The following ZEB1 variants were observed in gnomAD, a reference collection of about 807,000 sequenced individuals.
The protein encoded by ZEB1 is zinc finger E-box binding homeobox 1, also known as zinc finger E-box-binding homeobox 1.
In ZEB1, 21 loss-of-function variants were observed where a neutral mutation model predicts 84.9. The observed-to-expected ratio is 0.25, with a 90% confidence interval of 0.18 to 0.36. The LOEUF is 0.36. Among genes scored for constraint, ZEB1 ranks in the 10% least tolerant of loss-of-function variants. The pLI is 1.00. For missense variants in ZEB1, 1,104 were observed against 1,330.2 expected, an observed-to-expected ratio of 0.83 and a Z score of 2.65; for synonymous variants, 420 against 471.1, an observed-to-expected ratio of 0.89 and a Z score of 1.41.
At position 31,529,309 on chromosome 10, in the gene ZEB1, CTA is replaced by C. The variant is rs573764915; in HGVS notation, c.*2046_*2047del. The C allele has an allele frequency of 3.9e-5, 6 of 152,314 alleles. No homozygotes were observed. The South Asian group carries it at 1.2e-3, about 32-fold the overall frequency. The allele number at this position is 152,314 out of a possible 1,614,324, so 9.4% of individuals were successfully genotyped here. On this transcript the variant is annotated 3_prime_UTR_variant, in exon 9 of 9. Transcript: ENST00000424869. ...CATCTTGAGCTGAATTTGGGTAACA[CTA>C]AATGTTTTAGACATTCTCCACTAAA... is the stretch of plus-strand genomic sequence containing the variant.
chr10:31,447,884 ATG>A (rs1564899778), intron 1 of ZEB1, among the ~76,000 whole-genome samples: 1 of 151,958 alleles, frequency 6.6e-6, no homozygotes, highest in Non-Finnish European at 1.5e-5. Context: ...TCTGACAATT[ATG>A]TGTCTTGGAG....
chr10:31,393,540 A>G (rs1590778494), intron 1 of ZEB1, among the ~76,000 whole-genome samples: 1 of 121,340 alleles, frequency 8.2e-6, no homozygotes, highest in Non-Finnish European at 1.5e-5. Flanking sequence ...GTTGAGGTAG[A>G]TAGATATTAA....
rs932835878 is a variant in ZEB1, at chr10:31,448,702, G to C, written c.59-12335G>C. Among the ~76,000 whole-genome samples the C allele has an allele frequency of 1.1e-4, 16 of 152,212 alleles. No individual in the cohort carries two copies. The South Asian group carries it at 1.2e-3, about 12-fold the overall frequency. The stretch of plus-strand genomic sequence containing the variant: ...AGGTGTCAGTGTGCCCCTGCTGGGG[G>C]GTGCCTCCCAGTTAGGCTGCTAAGG... On this transcript the variant is annotated intron_variant, in intron 1 of 8. Coordinates refer to ENST00000424869, the MANE Select transcript of ZEB1 (RefSeq NM_001174096.2).
intron 1 of ZEB1, among the ~76,000 whole-genome samples, chr10:31,330,011 A>G (rs1382009991): frequency 5.3e-5 from 8 of 152,112 alleles, no homozygotes; most frequent in Non-Finnish European, 8.8e-5. Context: ...AGTTTTCTTA[A>G]TGGTACCATT....
intron 1 of ZEB1, chr10:31,361,256 G>C: frequency 2.5e-6 from 4 of 1,578,380 alleles, no homozygotes; most frequent in Non-Finnish European, 3.5e-6. Context: ...GCAGTGGTGC[G>C]ATCTCGGCTC....
Position 31,527,648 on chromosome 10 carries a change from T to C in ZEB1, c.*384T>C, listed in dbSNP as rs1375303777. The C allele has an allele frequency of 5.2e-6, 1 of 190,648 alleles. No homozygotes were observed. Among genetic ancestry groups the C allele is most frequent in the African/African-American group, 2.4e-5 (1 of 42,386 alleles). The allele number at this position is 190,648 out of a possible 1,614,324, so 11.8% of individuals were successfully genotyped here. A position where few individuals can be genotyped will look rare whatever the true frequency, so the allele number is the denominator to read the frequency against. ...TTTATCTTATCAGTATTATCACTCT[T>C]ATGTTGGTTTATTCTTAAGCTGTAC... On this transcript the variant is annotated 3_prime_UTR_variant, in exon 9 of 9. Coordinates refer to ENST00000424869, the MANE Select transcript of ZEB1 (RefSeq NM_001174096.2).
At chr10:31,384,462 G>A (rs1282757838) in intron 1 of ZEB1, among the ~76,000 whole-genome samples, 1 of 152,202 alleles carries the variant, frequency 6.6e-6, no homozygotes, top group African/African-American at 2.4e-5. Flanking sequence ...TAACGCAGTT[G>A]CCTGGAGAGT....
intron 1 of ZEB1, among the ~76,000 whole-genome samples, chr10:31,353,758 CATT>C (rs1227237873): frequency 1.3e-5 from 2 of 152,158 alleles, no homozygotes; most frequent in Non-Finnish European, 2.9e-5. Context: ...GTTTTAGTCT[CATT>C]AGTCACCAGC....
Position 31,527,009 on chromosome 10 carries a change from A to AG in ZEB1, c.3124dup (p.Glu1042GlyfsTer5). The AG allele has an allele frequency of 6.2e-7, 1 of 1,603,420 alleles. No homozygotes were observed. Among genetic ancestry groups the AG allele is most frequent in the Non-Finnish European group, 8.5e-7 (1 of 1,173,982 alleles). ...AGGATGAAGACAGTGAAAAAGAGGAAGAGGAGGAGGATAAAGAGATGGAAG... is the reference window on the plus strand; with the variant it reads ...AGGATGAAGACAGTGAAAAAGAGGAAGGAGGAGGAGGATAAAGAGATGGAAG... On this transcript the variant is annotated frameshift_variant, in exon 9 of 9. Coordinates refer to ENST00000424869, the MANE Select transcript of ZEB1 (RefSeq NM_001174096.2). LOFTEE classifies it low-confidence loss of function (END_TRUNC).
At chr10:31,420,878 TCTTC>T (rs573776847) in intron 1 of ZEB1, among the ~76,000 whole-genome samples, 239 of 152,274 alleles carry the variant, frequency 1.6e-3, no homozygotes, top group Middle Eastern at 0.014. Context: ...CCATTCTTTC[TCTTC>T]CTTCATTCCG....
chr10:31,483,269 T>G (rs1327019814), intron 2 of ZEB1, among the ~76,000 whole-genome samples: 1 of 152,022 alleles, frequency 6.6e-6, no homozygotes, highest in African/African-American at 2.4e-5. Context: ...ATTTTCATAC[T>G]TAGAATAGCT....
intron 1 of ZEB1, among the ~76,000 whole-genome samples, chr10:31,325,661 C>T (rs1214160813): frequency 6.6e-6 from 1 of 151,894 alleles, no homozygotes; most frequent in South Asian, 2.1e-4. Context: ...TCTCCCTTCC[C>T]CTCCCCCATT....
chr10:31,441,348 A>T (rs2058957175), intron 1 of ZEB1, among the ~76,000 whole-genome samples: 1 of 152,228 alleles, frequency 6.6e-6, no homozygotes. Context: ...AAAACTGACT[A>T]GCCATATGTG....
At chr10:31,397,318 T>C (rs1030341727) in intron 1 of ZEB1, among the ~76,000 whole-genome samples, 1 of 151,982 alleles carries the variant, frequency 6.6e-6, no homozygotes, top group African/African-American at 2.4e-5. Context: ...TATTTACTGA[T>C]ACGGTATTTA....
intron 1 of ZEB1, among the ~76,000 whole-genome samples, chr10:31,439,487 A>G (rs1009271152): frequency 2.0e-5 from 3 of 152,122 alleles, no homozygotes; most frequent in African/African-American, 7.2e-5. Context: ...ACTAAACATC[A>G]TTTATCTAGG....
chr10:31,321,327 T>G, intron 1 of ZEB1: 4 of 1,432,760 alleles, frequency 2.8e-6, no homozygotes, highest in Non-Finnish European at 3.7e-6. Flanking sequence ...TTCGTGATTT[T>G]AATTATTCAA....
chr10:31,499,008 C>A (rs1001472041), intron 3 of ZEB1, among the ~76,000 whole-genome samples: 3 of 151,996 alleles, frequency 2.0e-5, no homozygotes, highest in Admixed American at 2.0e-4. Flanking sequence ...TATGTTATAA[C>A]TGAGTTGCTC....
chr10:31,485,282 G>T (rs547131967), intron 2 of ZEB1, among the ~76,000 whole-genome samples: 48 of 151,914 alleles, frequency 3.2e-4, no homozygotes, highest in African/African-American at 1.2e-3. Context: ...TGGGCTAAAC[G>T]AGAGCTCAGT....
intron 1 of ZEB1, among the ~76,000 whole-genome samples, chr10:31,327,863 A>G (rs1010662717): frequency 1.3e-5 from 2 of 152,194 alleles, no homozygotes; most frequent in African/African-American, 4.8e-5. Context: ...GCTAAATATA[A>G]TCTGATAGTT....
Sources: gnomAD v4.1 joint callset for allele counts (sites outside exome capture counted in the v4.1 genomes callset) on GRCh38, gnomAD v4.1.1 for gene constraint, MANE v1.5 for transcripts, NCBI Gene and HGNC (gene_info 2026-07-23, HGNC 2026-07-21) for gene names.